The following TEX14 variants were observed in gnomAD, a reference collection of about 807,000 sequenced individuals.
The protein encoded by TEX14 is inactive serine/threonine-protein kinase TEX14.
In TEX14, 168 loss-of-function variants were observed where a neutral mutation model predicts 178.6. The observed-to-expected ratio is 0.94, with a 90% CI of 0.83 to 1.07. The LOEUF (loss-of-function observed/expected upper bound fraction) is 1.07, where lower values mean the gene tolerates loss of function less well. Among genes scored for constraint, TEX14 ranks in the 50% least tolerant of loss-of-function variants. The pLI, the probability that TEX14 is intolerant of heterozygous loss-of-function variation, is 0.00. For synonymous variants in TEX14, 626 were observed against 634.1 expected (o/e 0.99, Z 0.19); for missense variants, 1,730 against 1,753.6 (o/e 0.99, Z 0.24).
intron 1 of TEX14, among the ~76,000 whole-genome samples, chr17:58,685,518 T>C (rs1320445301): frequency 2.0e-5 from 3 of 150,458 alleles, no homozygotes; most frequent in African/African-American, 7.3e-5. Context: ...ATTATAGACA[T>C]ATGCAAACAC....
intron 23 of TEX14, among the ~76,000 whole-genome samples, chr17:58,572,597 A>G (rs1425510166): frequency 6.6e-6 from 1 of 150,910 alleles, no homozygotes; most frequent in Non-Finnish European, 1.5e-5. Context: ...GCGCCACTGC[A>G]CTCCGGCCTG....
Position 58,670,771 on chromosome 17 carries a change from TTAA to T in TEX14, c.-1-18772_-1-18770del, listed in dbSNP as rs1404499582. On this transcript the variant is annotated intron_variant, in intron 1 of 31. Coordinates refer to ENST00000349033, the MANE Select transcript of TEX14 (RefSeq NM_031272.5). ...CTGGGCGACAGAGTGAGACTCCCTC[TTAA>T]AAAAAAAAAAAAAAAAAAAAAAAAA... 1.4e-3 allele frequency among the ~76,000 whole-genome samples: 11 copies of T among 7,952 alleles called. 2 individuals are homozygous for T. The highest frequency in any genetic ancestry group is 4.6e-3 in the African/African-American group (10 of 2,180). 5.2% of individuals were successfully genotyped at this position (7,952 alleles called of 152,430 possible).
At chr17:58,622,824 T>C in intron 4 of TEX14, 23 bp downstream of exon 4, 1 of 1,590,282 alleles carries the variant, frequency 6.3e-7, no homozygotes, top group Non-Finnish European at 8.6e-7. Flanking sequence ...TGGGCATGGC[T>C]ACAGAGTGGG....
intron 1 of TEX14, among the ~76,000 whole-genome samples, chr17:58,690,313 T>G (rs1421412748): frequency 6.6e-6 from 1 of 152,038 alleles, no homozygotes; most frequent in Non-Finnish European, 1.5e-5. Context: ...ACTAGAGGCA[T>G]GTACCACCAT....
At chr17:58,691,524 G>A (rs2047723050) in intron 1 of TEX14, among the ~76,000 whole-genome samples, 1 of 151,774 alleles carries the variant, frequency 6.6e-6, no homozygotes. Flanking sequence ...AAAATTAGCC[G>A]GGCATGGTGG....
Position 58,656,683 on chromosome 17 carries a change from G to A in TEX14, c.-1-4681C>T, listed in dbSNP as rs375478840. ...GCAGGAGAATCGCTTGAACCTGGGAGGCAGAGGTTGCAGTGAGCCAAGATC... is the reference window on the plus strand; with the variant it reads ...GCAGGAGAATCGCTTGAACCTGGGAAGCAGAGGTTGCAGTGAGCCAAGATC... On this transcript the variant is annotated intron_variant, in intron 1 of 31. Coordinates refer to ENST00000349033, the MANE Select transcript of TEX14 (RefSeq NM_031272.5). 1.0e-3 allele frequency among the ~76,000 whole-genome samples: 153 copies of A among 151,844 alleles called. 4 individuals are homozygous for A. In the South Asian group the frequency reaches 0.023, roughly 23 times the overall value.
At chr17:58,565,457 G>A (rs944712885) in intron 27 of TEX14, among the ~76,000 whole-genome samples, 18 of 152,106 alleles carry the variant, frequency 1.2e-4, no homozygotes, top group African/African-American at 4.3e-4. Context: ...TCCTATAAAG[G>A]GAAGAGGACT....
intron 3 of TEX14, among the ~76,000 whole-genome samples, chr17:58,625,902 G>A (rs974456689): frequency 1.3e-5 from 2 of 151,738 alleles, no homozygotes. Context: ...CACCATGGCT[G>A]GCTAATTTTT....
intron 15 of TEX14, among the ~76,000 whole-genome samples, chr17:58,590,295 T>C (rs1010900247): frequency 2.0e-5 from 3 of 147,986 alleles, no homozygotes; most frequent in African/African-American, 5.0e-5. Flanking sequence ...GAACTGAGAT[T>C]GCGCCACTGC....
At chr17:58,590,877 CA>C (rs1464317174) in intron 15 of TEX14, among the ~76,000 whole-genome samples, 2 of 151,414 alleles carry the variant, frequency 1.3e-5, no homozygotes, top group African/African-American at 4.9e-5. Flanking sequence ...AATAAGTTTA[CA>C]GGGTTTTTTT....
At chr17:58,678,092 G>A (rs1196678659) in intron 1 of TEX14, among the ~76,000 whole-genome samples, 1 of 152,208 alleles carries the variant, frequency 6.6e-6, no homozygotes, top group Non-Finnish European at 1.5e-5. Context: ...AGAGGTTGCA[G>A]TGAGCAGATA....
intron 27 of TEX14, among the ~76,000 whole-genome samples, chr17:58,565,390 C>T (rs769961155): frequency 1.1e-4 from 16 of 152,202 alleles, no homozygotes; most frequent in Admixed American, 2.6e-4. Flanking sequence ...AAGGGATGTA[C>T]CCTTTAATGT....
chr17:58,584,034 A>G (rs1190057814), intron 19 of TEX14, among the ~76,000 whole-genome samples: 1 of 152,204 alleles, frequency 6.6e-6, no homozygotes, highest in Non-Finnish European at 1.5e-5. Context: ...GGAAACGCAT[A>G]TAGATCCTGC....
intron 10 of TEX14, among the ~76,000 whole-genome samples, chr17:58,606,000 C>T (rs1275634026): frequency 4.6e-5 from 7 of 152,222 alleles, no homozygotes; most frequent in Admixed American, 4.6e-4. Flanking sequence ...AGAGCCCTCT[C>T]AACCCCCATC....
chr17:58,580,028 A>T (rs1451436494), intron 19 of TEX14, among the ~76,000 whole-genome samples: 1 of 152,166 alleles, frequency 6.6e-6, no homozygotes, highest in Non-Finnish European at 1.5e-5. Flanking sequence ...GGTTCTTGGG[A>T]GCTTTATCAG....
chr17:58,569,624 T>C lies in TEX14; in HGVS notation c.3818-364A>G, dbSNP rs568175089. On this transcript the variant is annotated intron_variant, in intron 25 of 31. Transcript: ENST00000349033. The surrounding 1 kb of genome is among the most constrained non-coding windows in gnomAD (Gnocchi z 4.1). Reference sequence around the variant, plus strand: ...TACAGAGGTTCTGGACCAGTCAAAATGAACAAAAGCACAAAGTAGGAGGCC... The same window carrying C: ...TACAGAGGTTCTGGACCAGTCAAAACGAACAAAAGCACAAAGTAGGAGGCC... 6.6e-6 allele frequency among the ~76,000 whole-genome samples: 1 copy of C among 152,214 alleles called. No homozygotes were observed. The highest frequency in any genetic ancestry group is 2.4e-5 in the African/African-American group (1 of 41,532).
chr17:58,620,601 C>T (rs1411864065), intron 5 of TEX14, among the ~76,000 whole-genome samples: 3 of 152,030 alleles, frequency 2.0e-5, no homozygotes, highest in Admixed American at 6.6e-5. Context: ...TCAAGTGATT[C>T]GCCTGCCTCA....
intron 23 of TEX14, 56 bp downstream of exon 23, chr17:58,573,125 C>A: frequency 6.3e-7 from 1 of 1,597,126 alleles, no homozygotes; most frequent in Middle Eastern, 1.7e-4. Flanking sequence ...TTCCCAGAGA[C>A]AATGGGCTGG....
rs1212547649 is a variant in TEX14, at chr17:58,631,719, G to GA, written c.137-1166_137-1165insT. ...TTAGAATAACGCAACACCAAACACT[G>GA]CTATCCCACTCGTGAGAGAACACAA... is the stretch of plus-strand genomic sequence containing the variant. On this transcript the variant is annotated intron_variant, in intron 2 of 31. Coordinates refer to ENST00000349033, the MANE Select transcript of TEX14 (RefSeq NM_031272.5). 8 of 149,166 alleles carry GA rather than the reference G, an allele frequency of 5.4e-5. No homozygotes were observed. The East Asian group carries it at 1.6e-3, about 29-fold the overall frequency. 9.2% of individuals were successfully genotyped at this position (149,166 alleles called of 1,614,324 possible). A position where few individuals can be genotyped will look rare whatever the true frequency, so the allele number is the denominator to read the frequency against.
Sources: allele counts gnomAD v4.1 joint callset (sites outside exome capture counted in the v4.1 genomes callset), GRCh38; gene constraint gnomAD v4.1.1; non-coding constraint Gnocchi (gnomAD v3.1); transcripts MANE v1.5; gene names NCBI Gene and HGNC (gene_info 2026-07-23, HGNC 2026-07-21).